QRFPR: variants seen among roughly 807,000 people sequenced by gnomAD.
The protein encoded by QRFPR is pyroglutamylated RF-amide peptide receptor.
In QRFPR, 37 loss-of-function variants were observed where a neutral mutation model predicts 31.3. That is an observed-to-expected ratio of 1.18 (90% CI 0.91 to 1.56). QRFPR has a LOEUF of 1.56. QRFPR is among the 40% of genes most tolerant of loss of function. QRFPR has a pLI of 0.00. For missense variants in QRFPR, 542 were observed against 532.5 expected, an observed-to-expected ratio of 1.02 and a Z score of -0.18; for synonymous variants, 197 against 192.0, an observed-to-expected ratio of 1.03 and a Z score of -0.22.
At chr4:121,344,085 T>C (rs990854097) in intron 1 of QRFPR, among the ~76,000 whole-genome samples, 1 of 152,226 alleles carries the variant, frequency 6.6e-6, no homozygotes, top group African/African-American at 2.4e-5. Context: ...GGCAGCCCTA[T>C]TAAAAGAATT....
intron 1 of QRFPR, among the ~76,000 whole-genome samples, chr4:121,343,523 G>A (rs1216799599): frequency 1.3e-5 from 2 of 152,140 alleles, no homozygotes; most frequent in African/African-American, 2.4e-5. Context: ...TACTTTCAAT[G>A]TTAATAAAGT....
intron 1 of QRFPR, among the ~76,000 whole-genome samples, chr4:121,352,709 T>A (rs917065338): frequency 6.6e-6 from 1 of 152,088 alleles, no homozygotes; most frequent in Non-Finnish European, 1.5e-5. Context: ...GCATTTATCA[T>A]TTCTTTGTGT....
chr4:121,329,014 A>G lies in QRFPR; in HGVS notation c.*300T>C, dbSNP rs1016272580. The stretch of plus-strand genomic sequence containing the variant: ...CGTGATCCGCCCGTCTAGGCCTCCC[A>G]AAGTGCTGGGATTACAGGCATGAGC... On this transcript the variant is annotated 3_prime_UTR_variant, in exon 6 of 6. Coordinates refer to ENST00000394427, the MANE Select transcript of QRFPR (RefSeq NM_198179.3). 1 of 204,278 alleles carries G rather than the reference A, an allele frequency of 4.9e-6. No individual in the cohort carries two copies. Among genetic ancestry groups the G allele is most frequent in the Non-Finnish European group, 9.7e-6 (1 of 102,874 alleles). The allele number at this position is 204,278 out of a possible 1,614,324, so 12.7% of individuals were successfully genotyped here.
At chr4:121,368,458 AGT>A (rs1047882180) in intron 1 of QRFPR, among the ~76,000 whole-genome samples, 7 of 150,510 alleles carry the variant, frequency 4.7e-5, no homozygotes, top group African/African-American at 1.5e-4. Flanking sequence ...CTGCTAGACT[AGT>A]GTTTGTTCTG....
chr4:121,331,224 G>T (rs926250152), intron 4 of QRFPR, among the ~76,000 whole-genome samples: 1 of 110,884 alleles, frequency 9.0e-6, no homozygotes, highest in Non-Finnish European at 1.7e-5. Flanking sequence ...TTACTCGGTT[G>T]CCCAGGCTGT....
chr4:121,330,805 G>C (rs556858424), intron 4 of QRFPR, among the ~76,000 whole-genome samples: 1 of 152,270 alleles, frequency 6.6e-6, no homozygotes, highest in South Asian at 2.1e-4. Context: ...GATAGATGCA[G>C]AAATTGAGAC....
chr4:121,347,291 T>C (rs972465715), intron 1 of QRFPR, among the ~76,000 whole-genome samples: 3 of 152,182 alleles, frequency 2.0e-5, no homozygotes, highest in Non-Finnish European at 4.4e-5. Flanking sequence ...TGCCTGCCTA[T>C]TTCCCATAAA....
chr4:121,340,431 T>A lies in QRFPR; in HGVS notation c.499+21A>T. 1.9e-6 allele frequency: 3 copies of A among 1,613,384 alleles called. No individual in the cohort carries two copies. The South Asian group carries it at 3.3e-5, about 18-fold the overall frequency. ...TGAAGAATGTCATTCACACTGCCAT[T>A]GGCACATCCAGTGGCCTCACCTAGC... On this transcript the variant is annotated intron_variant, in intron 2 of 5. Transcript: ENST00000394427.
chr4:121,375,355 T>C (rs956902131), intron 1 of QRFPR, among the ~76,000 whole-genome samples: 1 of 152,170 alleles, frequency 6.6e-6, no homozygotes, highest in Non-Finnish European at 1.5e-5. Flanking sequence ...CCCTGCATTC[T>C]CCATTACTTC....
At chr4:121,335,581 G>GGT (rs200641451) in intron 3 of QRFPR, among the ~76,000 whole-genome samples, 4,925 of 84,614 alleles carry the variant, frequency 0.058, 220 homozygotes, top group East Asian at 0.34. Flanking sequence ...TGGGGGGTGG[G>GGT]GGGTGGGGCG....
chr4:121,357,051 G>A (rs1235056501), intron 1 of QRFPR, among the ~76,000 whole-genome samples: 1 of 152,130 alleles, frequency 6.6e-6, no homozygotes, highest in African/African-American at 2.4e-5. Flanking sequence ...CAGGGTGTTT[G>A]TATTAGTTTC....
At chr4:121,356,973 C>G (rs147607165) in intron 1 of QRFPR, among the ~76,000 whole-genome samples, 1,882 of 152,088 alleles carry the variant, frequency 0.012, 17 homozygotes, top group Non-Finnish European at 0.017. Context: ...CTTGATCATA[C>G]CAGGTTTCCG....
intron 1 of QRFPR, among the ~76,000 whole-genome samples, chr4:121,377,992 C>T (rs1384743394): frequency 6.6e-6 from 1 of 152,046 alleles, no homozygotes; most frequent in Non-Finnish European, 1.5e-5. Context: ...CCTCTGCATG[C>T]TCTCACCTCT....
chr4:121,336,781 G>C, intron 3 of QRFPR, 26 bp downstream of exon 3: 1 of 1,541,974 alleles, frequency 6.5e-7, no homozygotes, highest in Non-Finnish European at 9.0e-7. Context: ...TCAACAATAT[G>C]ATTATACATC....
chr4:121,329,499 G>C lies in QRFPR; in HGVS notation c.1111C>G (p.Arg371Gly). The C allele has an allele frequency of 1.2e-6, 2 of 1,613,976 alleles. No individual in the cohort carries two copies. The highest frequency in any genetic ancestry group is 1.7e-6 in the Non-Finnish European group (2 of 1,179,944). The change falls in exon 6 of 6, where the codon CGG becomes GGG. Residue 371 changes from arginine to glycine, a missense_variant. By Grantham distance (125) the Arg-to-Gly change is moderately radical. Transcript: ENST00000394427. ...CTGAGGGAAAACTTTGCTTTCTTCCGCATCATTGTAATTCCTGAATTTCCA... is the reference window on the plus strand; with the variant it reads ...CTGAGGGAAAACTTTGCTTTCTTCCCCATCATTGTAATTCCTGAATTTCCA... ...RHGNSGITMM[R>G]KKAKFSLREN... is the part of the protein sequence containing the mutation.
chr4:121,368,717 C>A (rs748022796), intron 1 of QRFPR, among the ~76,000 whole-genome samples: 2 of 134,808 alleles, frequency 1.5e-5, no homozygotes, highest in Non-Finnish European at 1.6e-5. Context: ...TCGTCTCAGC[C>A]AGTCAGTGAG....
intron 4 of QRFPR, 51 bp from the exon 5 acceptor site, chr4:121,330,574 G>C: frequency 7.3e-7 from 1 of 1,364,250 alleles, no homozygotes. Context: ...TGGCAAATGT[G>C]CCAGCTTGAT....
intron 1 of QRFPR, 75 bp downstream of exon 1, chr4:121,380,233 G>GAA (rs1726457134): frequency 9.9e-7 from 1 of 1,013,968 alleles, no homozygotes; most frequent in East Asian, 2.4e-5. Flanking sequence ...GAGAGAGAGA[G>GAA]AGAGAGAGAG....
chr4:121,368,179 A>G lies in QRFPR; in HGVS notation c.340+12129T>C, dbSNP rs1469735984. Among the ~76,000 whole-genome samples the G allele has an allele frequency of 4.0e-5, 6 of 149,928 alleles. 1 individual carries two copies. Among genetic ancestry groups the G allele is most frequent in the African/African-American group, 1.2e-4 (5 of 40,548 alleles). On this transcript the variant is annotated intron_variant, in intron 1 of 5. Transcript: ENST00000394427. ...GGGATGAGGCTCATTTTGGTGAAAA[A>G]TGCTTTCATACAGAAAATTTTGAAT...
Sources: allele counts gnomAD v4.1 joint callset (sites outside exome capture counted in the v4.1 genomes callset), GRCh38; gene constraint gnomAD v4.1.1; transcripts MANE v1.5; gene names NCBI Gene and HGNC (gene_info 2026-07-23, HGNC 2026-07-21).